CDC23: variants seen among roughly 807,000 people sequenced by gnomAD.
CDC23 encodes the protein cell division cycle 23, also known as cell division cycle protein 23 homolog.
A neutral mutation model predicts 81.7 loss-of-function variants in CDC23; 26 were observed. The observed-to-expected ratio is 0.32, with a 90% confidence interval of 0.23 to 0.44. The LOEUF is 0.44. Ranked by LOEUF, CDC23 falls within the 20% of genes least tolerant of loss-of-function variation. The probability of loss-of-function intolerance (pLI) is 1.00; values close to 1 mark genes in which losing one functional copy is unlikely to be tolerated. For missense variants in CDC23, 519 were observed against 728.0 expected, an observed-to-expected ratio of 0.71 and a Z score of 3.30; for synonymous variants, 267 against 270.8, an observed-to-expected ratio of 0.99 and a Z score of 0.14.
chr5:138,192,209 AG>A (rs1581482982), intron 11 of CDC23, 59 bp downstream of exon 11: 17 of 1,599,700 alleles, frequency 1.1e-5, no homozygotes, highest in Non-Finnish European at 1.5e-5. Flanking sequence ...CTATCAAAAG[AG>A]GAAAAAAAAG....
chr5:138,211,289 C>T lies in CDC23; in HGVS notation c.234+1702G>A, dbSNP rs144198181. ...TAGAAACCCAAATACAGCATGTTCT[C>T]ACTTACAAGTGGAAGCTGATCACTG... On this transcript the variant is annotated intron_variant, in intron 2 of 15. Transcript: ENST00000394886. 3.7e-3 allele frequency among the ~76,000 whole-genome samples: 557 copies of T among 152,324 alleles called. 3 individuals carry two copies. Among genetic ancestry groups the T allele is most frequent in the African/African-American group, 0.013 (530 of 41,566 alleles).
chr5:138,205,058 G>A (rs962730074), intron 3 of CDC23, among the ~76,000 whole-genome samples: 1 of 151,638 alleles, frequency 6.6e-6, no homozygotes, highest in Non-Finnish European at 1.5e-5. Context: ...GGGGCCACAG[G>A]CACACACCAC....
intron 3 of CDC23, among the ~76,000 whole-genome samples, chr5:138,203,122 G>C (rs1401287553): frequency 1.3e-5 from 2 of 151,874 alleles, no homozygotes; most frequent in Non-Finnish European, 2.9e-5. Context: ...ATTAACAAAA[G>C]GGAAAGATTC....
At chr5:138,189,541 G>T in intron 15 of CDC23, 92 bp downstream of exon 15, 1 of 1,287,050 alleles carries the variant, frequency 7.8e-7, no homozygotes. Context: ...TTATAGGTGT[G>T]AGCCGCTTGC....
At chr5:138,195,458 C>G (rs1204401334) in intron 9 of CDC23, among the ~76,000 whole-genome samples, 8 of 139,140 alleles carry the variant, frequency 5.7e-5, no homozygotes, top group Non-Finnish European at 1.5e-5. Context: ...GGCTCAGAGT[C>G]CAAAGCTTAA....
At chr5:138,208,488 C>T (rs1755077876) in intron 2 of CDC23, among the ~76,000 whole-genome samples, 2 of 151,902 alleles carry the variant, frequency 1.3e-5, no homozygotes, top group African/African-American at 4.8e-5. Context: ...TGCATTATGC[C>T]TTTTTGAGTA....
At chr5:138,211,945 G>A (rs577864505) in intron 2 of CDC23, among the ~76,000 whole-genome samples, 53 of 152,238 alleles carry the variant, frequency 3.5e-4, no homozygotes, top group African/African-American at 1.1e-3. Context: ...AGAGTATACC[G>A]TATGCTTTAC....
chr5:138,212,967 C>T (rs1161555273), intron 2 of CDC23, 24 bp downstream of exon 2: 1 of 1,599,524 alleles, frequency 6.3e-7, no homozygotes, highest in East Asian at 2.2e-5. Flanking sequence ...TGATGGGGAG[C>T]GCTCACTGTA....
chr5:138,199,695 TGTC>T (rs1362407425), intron 6 of CDC23, among the ~76,000 whole-genome samples: 15 of 152,256 alleles, frequency 9.9e-5, no homozygotes, highest in African/African-American at 3.6e-4. Context: ...CAAGACTGGA[TGTC>T]GTTAATAGCG....
At chr5:138,212,962 G>C in intron 2 of CDC23, 29 bp downstream of exon 2, 2 of 1,597,570 alleles carry the variant, frequency 1.3e-6, no homozygotes, top group Non-Finnish European at 1.7e-6. Context: ...TGGGTTGATG[G>C]GGAGCGCTCA....
chr5:138,202,440 C>A (rs992847708), intron 3 of CDC23, among the ~76,000 whole-genome samples: 1 of 152,150 alleles, frequency 6.6e-6, no homozygotes, highest in African/African-American at 2.4e-5. Context: ...CCCGCCACCA[C>A]GCCTGGCTAA....
At position 138,188,732 on chromosome 5, in the gene CDC23, G is replaced by T; in HGVS notation, c.*246C>A. 1 of 325,558 alleles carries T rather than the reference G, an allele frequency of 3.1e-6. No individual in the cohort carries two copies. Among genetic ancestry groups the T allele is most frequent in the Middle Eastern group, 8.4e-4 (1 of 1,184 alleles). 20.2% of individuals were successfully genotyped at this position (325,558 alleles called of 1,614,324 possible). A position where few individuals can be genotyped will look rare whatever the true frequency, so the allele number is the denominator to read the frequency against. The stretch of plus-strand genomic sequence containing the variant: ...AAAAGCATTCAGGGAAGAAGGCCAA[G>T]ATCTATAGCCACTCTTTGGACATAA... On this transcript the variant is annotated 3_prime_UTR_variant, in exon 16 of 16. Transcript: ENST00000394886.
chr5:138,189,985 C>T, intron 13 of CDC23, 79 bp from the exon 14 acceptor site: 4 of 1,181,380 alleles, frequency 3.4e-6, no homozygotes, highest in Non-Finnish European at 3.8e-6. Context: ...GTACATAAGA[C>T]CAAAAAAAAC....
intron 2 of CDC23, among the ~76,000 whole-genome samples, chr5:138,211,524 G>T (rs1292880532): frequency 6.6e-6 from 1 of 152,110 alleles, no homozygotes; most frequent in Admixed American, 6.6e-5. Context: ...TTACCCAGGC[G>T]TGGTGACGGG....
intron 9 of CDC23, among the ~76,000 whole-genome samples, chr5:138,192,987 T>C (rs758796818): frequency 1.3e-5 from 2 of 152,200 alleles, no homozygotes; most frequent in Non-Finnish European, 2.9e-5. Context: ...TGGAAAGCAG[T>C]AGTGTAATCA....
intron 3 of CDC23, among the ~76,000 whole-genome samples, chr5:138,204,430 G>C (rs1011129653): frequency 1.3e-5 from 2 of 151,132 alleles, no homozygotes; most frequent in Non-Finnish European, 2.9e-5. Flanking sequence ...GCTTGAACCC[G>C]GGAGGCAGAG....
chr5:138,189,416 C>T (rs1222488803), intron 15 of CDC23, among the ~76,000 whole-genome samples: 1 of 151,928 alleles, frequency 6.6e-6, no homozygotes, highest in African/African-American at 2.4e-5. Context: ...CATGCACCAC[C>T]AAACCTGGCA....
Position 138,187,665 on chromosome 5 carries a change from T to C in CDC23, c.*1313A>G, listed in dbSNP as rs1014957732. 6 of 328,228 alleles carry C rather than the reference T, an allele frequency of 1.8e-5. No homozygotes were observed. In the South Asian group the frequency reaches 3.1e-4, roughly 17 times the overall value. 20.3% of individuals were successfully genotyped at this position (328,228 alleles called of 1,614,324 possible). A position where few individuals can be genotyped will look rare whatever the true frequency, so the allele number is the denominator to read the frequency against. On this transcript the variant is annotated 3_prime_UTR_variant, in exon 16 of 16. Coordinates refer to ENST00000394886, the MANE Select transcript of CDC23 (RefSeq NM_004661.4). ...ATTAAAGATATTATTGTTCACATTT[T>C]TTATTGAATTCCAAATGTAGCAAAA...
intron 15 of CDC23, 89 bp downstream of exon 15, chr5:138,189,544 C>T: frequency 7.5e-7 from 1 of 1,329,574 alleles, no homozygotes; most frequent in Non-Finnish European, 1.0e-6. Context: ...TAGGTGTGAG[C>T]CGCTTGCCTG....
Sources: allele counts gnomAD v4.1 joint callset (sites outside exome capture counted in the v4.1 genomes callset), GRCh38; gene constraint gnomAD v4.1.1; transcripts MANE v1.5; gene names NCBI Gene and HGNC (gene_info 2026-07-23, HGNC 2026-07-21).